AKAP19: variants seen among roughly 807,000 people sequenced by gnomAD.
The protein encoded by AKAP19 is A-kinase anchoring protein 19.
the AKAP19 span, among the ~76,000 whole-genome samples, chr2:189,890,980 C>T: frequency 0.12 from 17,788 of 151,938 alleles, 1,573 homozygotes; most frequent in African/African-American, 0.23. Context: ...TTATTTTCCC[C>T]GTTAGTTGAT....
the AKAP19 span, among the ~76,000 whole-genome samples, chr2:189,898,393 T>C: frequency 2.6e-5 from 4 of 152,134 alleles, no homozygotes; most frequent in Non-Finnish European, 4.4e-5. Context: ...GAAATGAAAA[T>C]AAAGGCTTCT....
At chr2:190,075,049 A>G in the AKAP19 span, among the ~76,000 whole-genome samples, 1 of 152,194 alleles carries the variant, frequency 6.6e-6, no homozygotes, top group Non-Finnish European at 1.5e-5. Context: ...AGCTTGGTAA[A>G]TGTATTTAGA....
At chr2:190,095,885 A>G in the AKAP19 span, among the ~76,000 whole-genome samples, 1 of 152,188 alleles carries the variant, frequency 6.6e-6, no homozygotes, top group East Asian at 1.9e-4. Context: ...CAAGACAGGT[A>G]GGTGAGAAGG....
At chr2:190,137,407 T>C in the AKAP19 span, among the ~76,000 whole-genome samples, 1,270 of 152,298 alleles carry the variant, frequency 8.3e-3, 11 homozygotes, top group South Asian at 0.015. Flanking sequence ...AGACAGTAAG[T>C]TTCAGCTCTA....
At chr2:189,970,707 G>C in the AKAP19 span, among the ~76,000 whole-genome samples, 6 of 152,196 alleles carry the variant, frequency 3.9e-5, no homozygotes, top group African/African-American at 1.4e-4. Flanking sequence ...CTAGGCAAGA[G>C]TATCTTTTGG....
At chr2:189,968,328 C>T in the AKAP19 span, among the ~76,000 whole-genome samples, 2,127 of 152,128 alleles carry the variant, frequency 0.014, 44 homozygotes, top group African/African-American at 0.045. Context: ...GCCTCAAATT[C>T]CTGGACTCAG....
At chr2:189,910,803 T>C in the AKAP19 span, among the ~76,000 whole-genome samples, 5 of 152,176 alleles carry the variant, frequency 3.3e-5, no homozygotes, top group African/African-American at 1.2e-4. Context: ...ATGTAAACTT[T>C]TAAAAGGGTG....
At chr2:190,068,911 T>C in the AKAP19 span, among the ~76,000 whole-genome samples, 9 of 152,134 alleles carry the variant, frequency 5.9e-5, no homozygotes, top group African/African-American at 2.2e-4. Context: ...AGTATCCCAG[T>C]GCAGCTTTTG....
the AKAP19 span, among the ~76,000 whole-genome samples, chr2:189,937,077 G>A: frequency 6.6e-6 from 1 of 152,176 alleles, no homozygotes; most frequent in Non-Finnish European, 1.5e-5. Flanking sequence ...TGAGGTTACA[G>A]TGAGCTATGA....
At chr2:189,906,849 C>T in the AKAP19 span, among the ~76,000 whole-genome samples, 2 of 152,002 alleles carry the variant, frequency 1.3e-5, no homozygotes, top group African/African-American at 2.4e-5. Context: ...TAATTGCTAC[C>T]TCTTATGAGA....
chr2:190,052,705 G>A, the AKAP19 span, among the ~76,000 whole-genome samples: 1 of 152,086 alleles, frequency 6.6e-6, no homozygotes, highest in Admixed American at 6.5e-5. Flanking sequence ...GTAGGAAAAG[G>A]TTTCTCAATA....
At chr2:189,917,311 T>C in the AKAP19 span, 5 of 1,416,094 alleles carry the variant, frequency 3.5e-6, no homozygotes, top group South Asian at 5.9e-5. Context: ...ATCTGTCTTT[T>C]AACATGACAC....
At chr2:189,896,352 TAAC>T in the AKAP19 span, among the ~76,000 whole-genome samples, 1 of 152,180 alleles carries the variant, frequency 6.6e-6, no homozygotes, top group Non-Finnish European at 1.5e-5. Flanking sequence ...TTGATTTTCA[TAAC>T]AACAAATATT....
At chr2:190,112,865 A>G in the AKAP19 span, among the ~76,000 whole-genome samples, 1 of 152,140 alleles carries the variant, frequency 6.6e-6, no homozygotes, top group African/African-American at 2.4e-5. Context: ...CTATAAAATG[A>G]ATTGAGTAGC....
the AKAP19 span, among the ~76,000 whole-genome samples, chr2:189,955,606 C>A: frequency 6.6e-6 from 1 of 152,166 alleles, no homozygotes; most frequent in Non-Finnish European, 1.5e-5. Flanking sequence ...TTTCTTTTCT[C>A]TGCATCCTCA....
the AKAP19 span, among the ~76,000 whole-genome samples, chr2:190,193,703 A>G: frequency 6.6e-6 from 1 of 152,156 alleles, no homozygotes; most frequent in Non-Finnish European, 1.5e-5. Flanking sequence ...ACATCTTAAT[A>G]TGTGACTTTT....
At chr2:189,927,868 G>A in the AKAP19 span, among the ~76,000 whole-genome samples, 1 of 152,168 alleles carries the variant, frequency 6.6e-6, no homozygotes, top group Non-Finnish European at 1.5e-5. Context: ...CAGCAGTCCA[G>A]TGGTTATTGT....
the AKAP19 span, among the ~76,000 whole-genome samples, chr2:190,015,532 G>A: frequency 5.3e-5 from 8 of 152,332 alleles, no homozygotes; most frequent in Admixed American, 5.2e-4. Flanking sequence ...AGAGGCTGCT[G>A]TGAAAGCCTC....
the AKAP19 span, among the ~76,000 whole-genome samples, chr2:190,095,987 C>T: frequency 6.6e-6 from 1 of 152,126 alleles, no homozygotes; most frequent in Admixed American, 6.5e-5. Context: ...GAAACCACAT[C>T]AGTTCTTGTC....
Sources: gnomAD v4.1 joint callset for allele counts (sites outside exome capture counted in the v4.1 genomes callset) on GRCh38, gnomAD v4.1.1 for gene constraint, MANE v1.5 for transcripts, NCBI Gene and HGNC (gene_info 2026-07-23, HGNC 2026-07-21) for gene names.